The following AGBL4 variants were observed in gnomAD, a reference collection of about 807,000 sequenced individuals.
AGBL4 encodes AGBL carboxypeptidase 4, also known as cytosolic carboxypeptidase 6.
A neutral mutation model predicts 66.4 loss-of-function variants in AGBL4; 58 were observed. The ratio of observed to expected loss-of-function variants is 0.87; its 90% CI spans 0.71 to 1.09. The LOEUF (loss-of-function observed/expected upper bound fraction) is 1.09, where lower values mean the gene tolerates loss of function less well. AGBL4 is among the 50% of genes least tolerant of loss of function. The pLI, the probability that AGBL4 is intolerant of heterozygous loss-of-function variation, is 0.00. For synonymous variants in AGBL4, 234 were observed against 222.9 expected, an observed-to-expected ratio of 1.05 and a Z score of -0.44; for missense variants, 579 against 631.0, an observed-to-expected ratio of 0.92 and a Z score of 0.88.
intron 4 of AGBL4, among the ~76,000 whole-genome samples, chr1:49,119,315 G>A (rs994357962): frequency 8.5e-5 from 13 of 152,108 alleles, no homozygotes; most frequent in African/African-American, 3.1e-4. Flanking sequence ...GATCTTTTCT[G>A]CCTTCTCTTG....
intron 4 of AGBL4, among the ~76,000 whole-genome samples, chr1:49,198,320 G>C (rs1647395300): frequency 6.6e-6 from 1 of 152,030 alleles, no homozygotes; most frequent in Admixed American, 6.6e-5. Flanking sequence ...TTCATGATGT[G>C]AATCTTTTAT....
intron 3 of AGBL4, among the ~76,000 whole-genome samples, chr1:49,440,921 C>T (rs1646014213): frequency 6.6e-6 from 1 of 152,150 alleles, no homozygotes; most frequent in Non-Finnish European, 1.5e-5. Flanking sequence ...GAAGAAACAG[C>T]TTCCCCATCC....
At chr1:49,794,913 C>T (rs1215042564) in intron 2 of AGBL4, among the ~76,000 whole-genome samples, 4 of 151,734 alleles carry the variant, frequency 2.6e-5, no homozygotes, top group South Asian at 2.1e-4. Context: ...ATATAATTTA[C>T]GAAATATCTG....
intron 4 of AGBL4, among the ~76,000 whole-genome samples, chr1:49,145,474 C>A (rs1251752085): frequency 2.6e-5 from 4 of 152,086 alleles, no homozygotes; most frequent in South Asian, 4.1e-4. Context: ...GGTCCCATTC[C>A]AAGTATTTTT....
At chr1:49,352,729 T>C (rs964558744) in intron 3 of AGBL4, among the ~76,000 whole-genome samples, 5 of 152,194 alleles carry the variant, frequency 3.3e-5, no homozygotes, top group Non-Finnish European at 7.3e-5. Context: ...CTAGCATGTA[T>C]TGACTGCCAA....
At chr1:49,786,142 C>T (rs1306226006) in intron 2 of AGBL4, among the ~76,000 whole-genome samples, 1 of 150,698 alleles carries the variant, frequency 6.6e-6, no homozygotes, top group African/African-American at 2.5e-5. Flanking sequence ...AAAATAAATA[C>T]CCCAAATTCC....
chr1:48,742,866 A>C, intron 6 of AGBL4: 3 of 1,278,352 alleles, frequency 2.3e-6, no homozygotes, highest in Non-Finnish European at 3.1e-6. Flanking sequence ...CATGGCACAA[A>C]AAATTTGCTA....
At chr1:49,408,464 G>A (rs1645249561) in intron 3 of AGBL4, among the ~76,000 whole-genome samples, 1 of 152,172 alleles carries the variant, frequency 6.6e-6, no homozygotes, top group Non-Finnish European at 1.5e-5. Flanking sequence ...TTGTTCCTGG[G>A]TGTGTCTGTA....
At chr1:49,763,926 A>G (rs1027722638) in intron 2 of AGBL4, among the ~76,000 whole-genome samples, 9 of 152,038 alleles carry the variant, frequency 5.9e-5, no homozygotes, top group African/African-American at 2.2e-4. Context: ...TGAGACCCCC[A>G]TGCCCCTGCT....
rs536459787 is a variant in AGBL4 at position 49,564,408 on chromosome 1, A to C, written c.282+132905T>G. Among the ~76,000 whole-genome samples the C allele has an allele frequency of 5.3e-5, 8 of 152,156 alleles. No homozygotes were observed. The South Asian group carries it at 1.0e-3, about 20-fold the overall frequency. ...TTTTAATTGTGATGTTAGGGTGCCA[A>C]TTTTAGATCTTTCCTGCTTTCTCTT... On this transcript the variant is annotated intron_variant, in intron 3 of 13. Coordinates refer to ENST00000371839, the MANE Select transcript of AGBL4 (RefSeq NM_032785.4).
At chr1:49,239,921 G>A (rs1557757968) in intron 4 of AGBL4, among the ~76,000 whole-genome samples, 1 of 152,026 alleles carries the variant, frequency 6.6e-6, no homozygotes, top group Non-Finnish European at 1.5e-5. Flanking sequence ...GTAAGTATGT[G>A]TGGAACAGAG....
At chr1:49,939,061 G>A (rs976882453) in intron 1 of AGBL4, among the ~76,000 whole-genome samples, 51 of 152,016 alleles carry the variant, frequency 3.4e-4, no homozygotes, top group Middle Eastern at 3.4e-3. Context: ...ACCAATAACC[G>A]ACAAACAGAG....
intron 2 of AGBL4, among the ~76,000 whole-genome samples, chr1:49,841,170 A>G (rs1340395025): frequency 6.6e-6 from 1 of 152,206 alleles, no homozygotes; most frequent in Non-Finnish European, 1.5e-5. Flanking sequence ...CAATATCAAC[A>G]TACAAAAATC....
intron 1 of AGBL4, among the ~76,000 whole-genome samples, chr1:50,008,950 T>C (rs559021373): frequency 5.3e-5 from 8 of 151,908 alleles, no homozygotes; most frequent in African/African-American, 1.4e-4. Flanking sequence ...GATTGAACCA[T>C]AAAAAAATCC....
intron 9 of AGBL4, among the ~76,000 whole-genome samples, chr1:48,624,796 G>C (rs755726459): frequency 1.3e-5 from 2 of 152,198 alleles, no homozygotes; most frequent in Admixed American, 6.5e-5. Context: ...GAGTACGGAG[G>C]ATTTTGAGAG....
chr1:48,861,311 G>A (rs1647447082), intron 6 of AGBL4, among the ~76,000 whole-genome samples: 1 of 152,146 alleles, frequency 6.6e-6, no homozygotes, highest in African/African-American at 2.4e-5. Flanking sequence ...GTTGAAGAGA[G>A]TCAAAGGAAT....
chr1:49,845,260 G>C, intron 2 of AGBL4: 1 of 1,561,398 alleles, frequency 6.4e-7, no homozygotes, highest in Non-Finnish European at 8.8e-7. Flanking sequence ...CACTCAGTGT[G>C]AGGGGACCTT....
intron 1 of AGBL4, among the ~76,000 whole-genome samples, chr1:49,861,058 A>G (rs147504877): frequency 2.6e-5 from 4 of 152,234 alleles, no homozygotes; most frequent in African/African-American, 4.8e-5. Context: ...AGCTGGGGGA[A>G]GAAAAACAGA....
At chr1:49,412,428 G>A (rs907036815) in intron 3 of AGBL4, among the ~76,000 whole-genome samples, 1 of 152,016 alleles carries the variant, frequency 6.6e-6, no homozygotes, top group Non-Finnish European at 1.5e-5. Flanking sequence ...CCTCCCAAAA[G>A]CCCTCCCTCA....
Sources: gnomAD v4.1 joint callset for allele counts (sites outside exome capture counted in the v4.1 genomes callset) on GRCh38, gnomAD v4.1.1 for gene constraint, MANE v1.5 for transcripts, NCBI Gene and HGNC (gene_info 2026-07-23, HGNC 2026-07-21) for gene names.